Variants in KHDRBS2 observed in about 807,000 individuals in gnomAD.
KHDRBS2 encodes KH domain-containing, RNA-binding, signal transduction-associated protein 2.
KHDRBS2 carries 26 observed loss-of-function variants against 44.3 expected under a neutral mutation model. The observed-to-expected ratio is 0.59, with a 90% confidence interval of 0.43 to 0.81. The LOEUF (loss-of-function observed/expected upper bound fraction) is 0.81. Among genes scored for constraint, KHDRBS2 ranks in the 40% least tolerant of loss-of-function variants. KHDRBS2 has a pLI of 0.00. For missense variants in KHDRBS2, 476 were observed against 433.1 expected (o/e 1.10, Z -0.88); for synonymous variants, 194 against 151.1 (o/e 1.28, Z -2.08).
chr6:61,657,539 C>G, the KHDRBS2 span, among the ~76,000 whole-genome samples: 1 of 151,904 alleles, frequency 6.6e-6, no homozygotes, highest in Admixed American at 6.6e-5. Flanking sequence ...TTTCACTGTG[C>G]CTTTAAAGCT....
the KHDRBS2 span, among the ~76,000 whole-genome samples, chr6:61,626,690 T>A: frequency 6.6e-6 from 1 of 152,236 alleles, no homozygotes; most frequent in Non-Finnish European, 1.5e-5. Flanking sequence ...TAAAAGTTGA[T>A]TTATTTAGAA....
chr6:62,086,389 A>G (rs1314987153), intron 2 of KHDRBS2, among the ~76,000 whole-genome samples: 1 of 152,182 alleles, frequency 6.6e-6, no homozygotes, highest in African/African-American at 2.4e-5. Context: ...ATATTTAATT[A>G]AGCAAGACAG....
chr6:62,202,226 A>C (rs1305414224), intron 1 of KHDRBS2, among the ~76,000 whole-genome samples: 1 of 152,082 alleles, frequency 6.6e-6, no homozygotes, highest in African/African-American at 2.4e-5. Context: ...AAGAATTTTG[A>C]AATGAATTCT....
At chr6:61,938,395 T>G (rs1344594154) in intron 4 of KHDRBS2, among the ~76,000 whole-genome samples, 16 of 152,096 alleles carry the variant, frequency 1.1e-4, no homozygotes, top group Non-Finnish European at 7.4e-5. Flanking sequence ...GCTATAAAGA[T>G]GAGGATGAGC....
intron 3 of KHDRBS2, among the ~76,000 whole-genome samples, chr6:61,991,833 G>A (rs917851463): frequency 6.6e-6 from 1 of 152,170 alleles, no homozygotes; most frequent in Non-Finnish European, 1.5e-5. Context: ...ACAACACAAC[G>A]AAAGACTACA....
chr6:62,032,537 T>C (rs902861373), intron 3 of KHDRBS2, among the ~76,000 whole-genome samples: 1 of 149,564 alleles, frequency 6.7e-6, no homozygotes, highest in Non-Finnish European at 1.5e-5. Context: ...TTCATATATA[T>C]ACATATATAT....
chr6:62,143,694 A>AT (rs11408572), intron 2 of KHDRBS2, among the ~76,000 whole-genome samples: 120,690 of 151,394 alleles, frequency 0.8, 48,713 homozygotes, highest in African/African-American at 0.93. Flanking sequence ...TCAGATTATT[A>AT]TTTTTTTTCT....
chr6:61,615,547 C>G, the KHDRBS2 span, among the ~76,000 whole-genome samples: 2 of 152,146 alleles, frequency 1.3e-5, no homozygotes, highest in African/African-American at 4.8e-5. Flanking sequence ...CTAAAATCAG[C>G]TAACCTCTTC....
chr6:61,658,049 A>G, the KHDRBS2 span, among the ~76,000 whole-genome samples: 1 of 151,922 alleles, frequency 6.6e-6, no homozygotes, highest in Admixed American at 6.6e-5. Flanking sequence ...AAACAAATAT[A>G]TATTATGCAT....
intron 7 of KHDRBS2, among the ~76,000 whole-genome samples, chr6:61,718,121 C>A (rs1341058269): frequency 6.6e-6 from 1 of 152,110 alleles, no homozygotes; most frequent in Admixed American, 6.6e-5. Context: ...CACCTCCCAA[C>A]ACTTAGCGTA....
intron 2 of KHDRBS2, among the ~76,000 whole-genome samples, chr6:62,083,687 G>A (rs1207340477): frequency 1.3e-5 from 2 of 152,136 alleles, no homozygotes; most frequent in Admixed American, 1.3e-4. Flanking sequence ...CTCCTGTGAG[G>A]GGTTGAGAGC....
At chr6:61,745,843 A>T (rs888047834) in intron 6 of KHDRBS2, among the ~76,000 whole-genome samples, 1 of 151,974 alleles carries the variant, frequency 6.6e-6, no homozygotes, top group Admixed American at 6.6e-5. Context: ...AATAAAATAA[A>T]ATATTTTATT....
At chr6:61,691,418 TA>T (rs1261283381) in intron 8 of KHDRBS2, among the ~76,000 whole-genome samples, 1 of 152,068 alleles carries the variant, frequency 6.6e-6, no homozygotes, top group African/African-American at 2.4e-5. Flanking sequence ...AAATGAATTT[TA>T]AAATACTTTA....
intron 2 of KHDRBS2, among the ~76,000 whole-genome samples, chr6:62,068,106 A>C (rs1794171667): frequency 1.3e-5 from 2 of 151,490 alleles, no homozygotes; most frequent in Admixed American, 6.6e-5. Context: ...ATTTTGAAGA[A>C]GCATCCAATT....
At chr6:62,010,802 TG>T in intron 3 of KHDRBS2, among the ~76,000 whole-genome samples, 1 of 152,328 alleles carries the variant, frequency 6.6e-6, no homozygotes, top group Middle Eastern at 3.4e-3. Context: ...AATATTTTAA[TG>T]AAACCTGCTT....
In KHDRBS2 at chr6:61,753,313, T is replaced by A. The variant is rs1398420456; in HGVS notation, c.811-20549A>T. Among the ~76,000 whole-genome samples the A allele has an allele frequency of 2.6e-5, 4 of 152,172 alleles. 1 individual carries two copies. The highest frequency in any genetic ancestry group is 5.9e-5 in the Non-Finnish European group (4 of 68,020). On this transcript the variant is annotated intron_variant, in intron 6 of 8. Transcript: ENST00000281156. ...CCAACCAATGAGAGAAGAAAGCTTCTTCCTCGATCTCAGTTTTCAAACTGA... is the reference window on the plus strand; with the variant it reads ...CCAACCAATGAGAGAAGAAAGCTTCATCCTCGATCTCAGTTTTCAAACTGA...
chr6:61,637,898 A>G, the KHDRBS2 span, among the ~76,000 whole-genome samples: 7 of 151,832 alleles, frequency 4.6e-5, no homozygotes, highest in South Asian at 8.3e-4. Flanking sequence ...TTTTTCTTGT[A>G]AATTTGTTTG....
intron 2 of KHDRBS2, among the ~76,000 whole-genome samples, chr6:62,155,561 C>A (rs922467170): frequency 6.6e-6 from 1 of 152,164 alleles, no homozygotes; most frequent in Non-Finnish European, 1.5e-5. Flanking sequence ...ATGCCTTCTG[C>A]CTTGCATGCT....
At chr6:61,687,887 C>T (rs1766993398) in intron 8 of KHDRBS2, among the ~76,000 whole-genome samples, 1 of 151,654 alleles carries the variant, frequency 6.6e-6, no homozygotes, top group Non-Finnish European at 1.5e-5. Flanking sequence ...TCTGTTTTCC[C>T]AGGTGAGGCC....
Sources: allele counts gnomAD v4.1 joint callset (sites outside exome capture counted in the v4.1 genomes callset), GRCh38; gene constraint gnomAD v4.1.1; transcripts MANE v1.5; gene names NCBI Gene and HGNC (gene_info 2026-07-23, HGNC 2026-07-21).